The following SASH1 variants were observed in gnomAD, a reference collection of about 807,000 sequenced individuals.
SASH1 encodes SAM and SH3 domain containing 1.
A neutral mutation model predicts 125.2 loss-of-function variants in SASH1; 44 were observed. That is an observed-to-expected ratio of 0.35 (90% CI 0.28 to 0.45). The LOEUF (loss-of-function observed/expected upper bound fraction) is 0.45. Ranked by LOEUF, SASH1 falls within the 20% of genes least tolerant of loss-of-function variation. The pLI is 1.00. For synonymous variants in SASH1, 639 were observed against 649.1 expected, an observed-to-expected ratio of 0.98 and a Z score of 0.24; for missense variants, 1,426 against 1,614.5, an observed-to-expected ratio of 0.88 and a Z score of 2.00.
chr6:148,348,364 C>G (rs566609972), intron 1 of SASH1, among the ~76,000 whole-genome samples: 1 of 152,176 alleles, frequency 6.6e-6, no homozygotes, highest in African/African-American at 2.4e-5. Context: ...CTTAAGTGAC[C>G]TTCTTCCATG....
At chr6:148,503,733 G>A (rs1040282300) in intron 8 of SASH1, among the ~76,000 whole-genome samples, 1 of 149,116 alleles carries the variant, frequency 6.7e-6, no homozygotes, top group East Asian at 2.0e-4. Flanking sequence ...GTTGGAGGAG[G>A]TAAAGATCAA....
intron 1 of SASH1, among the ~76,000 whole-genome samples, chr6:148,363,278 A>C (rs1232123596): frequency 6.6e-6 from 1 of 152,122 alleles, no homozygotes; most frequent in Non-Finnish European, 1.5e-5. Context: ...TTAGGGACGG[A>C]GTGATTGAGG....
chr6:148,503,217 C>T lies in SASH1; in HGVS notation c.730-11107C>T, dbSNP rs533253321. Reference sequence around the variant, plus strand: ...GGTAACTGCTCCTGAGATTTTAAAACGATACAACATTTTTTCAGAGCAAGT... The same window carrying T: ...GGTAACTGCTCCTGAGATTTTAAAATGATACAACATTTTTTCAGAGCAAGT... On this transcript the variant is annotated intron_variant, in intron 8 of 19. Coordinates refer to ENST00000367467, the MANE Select transcript of SASH1 (RefSeq NM_015278.5). Among the ~76,000 whole-genome samples, 16 of 151,974 alleles carry T rather than the reference C, an allele frequency of 1.1e-4. No individual in the cohort carries two copies. In the South Asian group the frequency reaches 1.7e-3, roughly 16 times the overall value.
At chr6:148,410,158 T>C (rs1412990912) in intron 2 of SASH1, among the ~76,000 whole-genome samples, 1 of 118,562 alleles carries the variant, frequency 8.4e-6, no homozygotes, top group African/African-American at 3.2e-5. Context: ...TTGCCCAGGC[T>C]GGAGTGCAGT....
At position 148,380,225 on chromosome 6, in the gene SASH1, A is replaced by G. The variant is rs527933253; in HGVS notation, c.157-9909A>G. On this transcript the variant is annotated intron_variant, in intron 1 of 19. Transcript: ENST00000367467. ...AGTCAAGCTCAGTCTCATACCACAG[A>G]CGGTCACACCGCGAGGCTCTCTAGT... is the stretch of plus-strand genomic sequence containing the variant. 3.9e-5 allele frequency among the ~76,000 whole-genome samples: 6 copies of G among 152,302 alleles called. No homozygotes were observed. In the East Asian group the frequency reaches 9.6e-4, roughly 24 times the overall value.
chr6:148,508,855 A>C (rs750436082), intron 8 of SASH1: 1 of 1,287,270 alleles, frequency 7.8e-7, no homozygotes, highest in Non-Finnish European at 1.0e-6. Flanking sequence ...ATTACCCCTT[A>C]GGCTTGCTAA....
chr6:148,292,443 G>A (rs1195696474), intron 1 of SASH1, among the ~76,000 whole-genome samples: 4 of 152,116 alleles, frequency 2.6e-5, no homozygotes, highest in Middle Eastern at 3.2e-3. Context: ...TTTGGGATAT[G>A]GCTATTATTA....
At chr6:148,514,988 A>C (rs1780359792) in intron 9 of SASH1, among the ~76,000 whole-genome samples, 1 of 152,206 alleles carries the variant, frequency 6.6e-6, no homozygotes, top group South Asian at 2.1e-4. Flanking sequence ...TTCTAAGAGA[A>C]TCTTTTAAGA....
At chr6:148,478,976 A>T (rs9390573) in intron 7 of SASH1, 51,167 of 155,322 alleles carry the variant, frequency 0.33, 9,110 homozygotes, top group East Asian at 0.59. Context: ...TATGAGAAGT[A>T]TGGACCTGTA....
At chr6:148,527,096 TCTCCTGAC>T (rs1781222448) in intron 11 of SASH1, among the ~76,000 whole-genome samples, 1 of 152,024 alleles carries the variant, frequency 6.6e-6, no homozygotes, top group Non-Finnish European at 1.5e-5. Flanking sequence ...ATGGTCTCGA[TCTCCTGAC>T]CTCGTGATCC....
intron 17 of SASH1, among the ~76,000 whole-genome samples, chr6:148,542,839 G>A (rs1782304467): frequency 6.7e-6 from 1 of 148,652 alleles, no homozygotes; most frequent in Non-Finnish European, 1.5e-5. Context: ...AACCAAAAAT[G>A]TAACAAGGGA....
At chr6:148,297,034 T>A (rs375040255) in intron 1 of SASH1, among the ~76,000 whole-genome samples, 60 of 152,338 alleles carry the variant, frequency 3.9e-4, no homozygotes, top group African/African-American at 1.3e-3. Context: ...TCTTTACTGT[T>A]GCATTCTTAA....
At chr6:148,542,889 C>CAGA (rs1782318085) in intron 17 of SASH1, among the ~76,000 whole-genome samples, 1 of 151,698 alleles carries the variant, frequency 6.6e-6, no homozygotes, top group African/African-American at 2.4e-5. Context: ...TGCGCGCGCA[C>CAGA]ATGTAAGTAC....
upstream of SASH1, chr6:148,342,481 T>C (rs1415947665): frequency 6.6e-6 from 1 of 152,128 alleles, no homozygotes; most frequent in Admixed American, 6.5e-5. Flanking sequence ...GGCGATTTGT[T>C]CTCCTGTCCG....
chr6:148,392,917 C>T (rs1165543872), intron 2 of SASH1, among the ~76,000 whole-genome samples: 2 of 152,080 alleles, frequency 1.3e-5, no homozygotes, highest in African/African-American at 4.8e-5. Flanking sequence ...CTCCCACACT[C>T]TTAAAATTCA....
At chr6:148,231,888 G>A in the SASH1 span, among the ~76,000 whole-genome samples, 10 of 151,936 alleles carry the variant, frequency 6.6e-5, no homozygotes, top group East Asian at 1.9e-4. Context: ...TCTTTGATAC[G>A]TGAGCATGAA....
chr6:148,223,464 G>C, the SASH1 span, among the ~76,000 whole-genome samples: 1 of 152,192 alleles, frequency 6.6e-6, no homozygotes, highest in Non-Finnish European at 1.5e-5. Context: ...GTTCAACCAA[G>C]AGGCTTCCGC....
upstream of SASH1, among the ~76,000 whole-genome samples, chr6:148,340,554 C>A (rs189119723): frequency 2.6e-5 from 4 of 151,864 alleles, no homozygotes; most frequent in African/African-American, 9.7e-5. Context: ...CCAATACAGT[C>A]AACTGTAAAG....
intron 1 of SASH1, among the ~76,000 whole-genome samples, chr6:148,280,966 CAG>C (rs1779324110): frequency 6.6e-6 from 1 of 151,794 alleles, no homozygotes; most frequent in African/African-American, 2.4e-5. Flanking sequence ...TGTTTTGAGA[CAG>C]AGTCTTGCTC....
Sources: allele counts gnomAD v4.1 joint callset (sites outside exome capture counted in the v4.1 genomes callset), GRCh38; gene constraint gnomAD v4.1.1; transcripts MANE v1.5; gene names NCBI Gene and HGNC (gene_info 2026-07-23, HGNC 2026-07-21).